The following RNF212 variants were observed in gnomAD, a reference collection of about 807,000 sequenced individuals.
The protein encoded by RNF212 is probable E3 SUMO-protein ligase RNF212.
Under a neutral mutation model 34.7 loss-of-function variants are expected in RNF212, and 33 were observed. The ratio of observed to expected loss-of-function variants is 0.95; its 90% CI spans 0.72 to 1.27. The LOEUF is 1.27. Ranked by LOEUF, RNF212 falls within the 50% of genes most tolerant of loss-of-function variation. RNF212 has a pLI of 0.00. For missense variants in RNF212, 377 were observed against 362.2 expected, an observed-to-expected ratio of 1.04 and a Z score of -0.33; for synonymous variants, 140 against 136.1, an observed-to-expected ratio of 1.03 and a Z score of -0.20.
At chr4:1,098,793 A>C (rs1341757749) in intron 2 of RNF212, among the ~76,000 whole-genome samples, 6 of 152,168 alleles carry the variant, frequency 3.9e-5, no homozygotes, top group African/African-American at 1.4e-4. Context: ...CACAATACAG[A>C]AAAAGTGCCC....
intron 4 of RNF212, among the ~76,000 whole-genome samples, chr4:1,086,185 T>G (rs1203084678): frequency 6.6e-6 from 1 of 152,174 alleles, no homozygotes; most frequent in Non-Finnish European, 1.5e-5. Context: ...CAAATCTCAG[T>G]GCTGCACCCC....
At chr4:1,112,554 A>G (rs1725853822) in intron 1 of RNF212, among the ~76,000 whole-genome samples, 1 of 151,898 alleles carries the variant, frequency 6.6e-6, no homozygotes, top group Admixed American at 6.5e-5. Flanking sequence ...CGCGCTGCCC[A>G]TGGAATAGGG....
At chr4:1,071,262 A>T (rs549630225), downstream of RNF212, among the ~76,000 whole-genome samples, 10 of 151,820 alleles carry the variant, frequency 6.6e-5, no homozygotes, top group East Asian at 5.8e-4. Context: ...AAATTATTTT[A>T]AAAAAACTAA....
At chr4:1,110,054 C>A (rs185161924) in intron 1 of RNF212, among the ~76,000 whole-genome samples, 1 of 152,268 alleles carries the variant, frequency 6.6e-6, no homozygotes, top group East Asian at 1.9e-4. Flanking sequence ...ACCATCACAG[C>A]TAGGAGTCAT....
intron 1 of RNF212, among the ~76,000 whole-genome samples, chr4:1,109,537 C>T (rs1299307547): frequency 2.0e-5 from 3 of 152,132 alleles, no homozygotes; most frequent in Admixed American, 2.0e-4. Flanking sequence ...AAAAACATCC[C>T]TTAAGTGAGA....
At chr4:1,062,762 T>C (rs751937530) in intron 3 of RNF212, among the ~76,000 whole-genome samples, 2 of 151,972 alleles carry the variant, frequency 1.3e-5, no homozygotes, top group Non-Finnish European at 2.9e-5. Flanking sequence ...AAGGAAAAAG[T>C]AAAACAACCT....
At chr4:1,110,929 C>T (rs1182435162) in intron 1 of RNF212, among the ~76,000 whole-genome samples, 1 of 152,230 alleles carries the variant, frequency 6.6e-6, no homozygotes, top group Non-Finnish European at 1.5e-5. Context: ...CTAGGCAAAC[C>T]TGTGAATCTA....
intron 4 of RNF212, among the ~76,000 whole-genome samples, 169 bp downstream of exon 4, chr4:1,090,613 G>A (rs933064466): frequency 6.6e-6 from 1 of 152,138 alleles, no homozygotes; most frequent in African/African-American, 2.4e-5. Flanking sequence ...GGGCAAATAG[G>A]CTGCTCAGAA....
At chr4:1,081,348 T>C in intron 7 of RNF212, 71 bp downstream of exon 7, 1 of 1,247,448 alleles carries the variant, frequency 8.0e-7, no homozygotes, top group Non-Finnish European at 1.1e-6. Context: ...GGGGTGGGGT[T>C]GGGATGGGAA....
rs377524316 is a variant in RNF212, at chr4:1,102,635, G to A, written c.171+5708C>T. Among the ~76,000 whole-genome samples, 36 of 151,712 alleles carry A rather than the reference G, an allele frequency of 2.4e-4. No homozygotes were observed. In the East Asian group the frequency reaches 5.4e-3, roughly 23 times the overall value. On this transcript the variant is annotated intron_variant, in intron 2 of 9. Coordinates refer to ENST00000433731, the MANE Select transcript of RNF212 (RefSeq NM_001131034.4). ...TGGGAGGCTGAGGCAGGCAGATCAC[G>A]AGGTCAGGAGATCGAGACCATCCTG...
intron 4 of RNF212, among the ~76,000 whole-genome samples, chr4:1,086,282 C>A (rs551415737): frequency 1.3e-5 from 2 of 152,034 alleles, no homozygotes; most frequent in Non-Finnish European, 2.9e-5. Context: ...CTTCCATACA[C>A]GGCCACTGCC....
chr4:1,094,109 A>G lies in RNF212; in HGVS notation c.246+2656T>C. The stretch of plus-strand genomic sequence containing the variant: ...GACCACAGCCTGAAGGCACAAGCCC[A>G]TGAAGGAGAGTGCCATGCAGGGGTC... On this transcript the variant is annotated intron_variant, in intron 3 of 9. Coordinates refer to ENST00000433731, the MANE Select transcript of RNF212 (RefSeq NM_001131034.4). 3 of 1,396,472 alleles carry G rather than the reference A, an allele frequency of 2.1e-6. No individual in the cohort carries two copies. In the South Asian group the frequency reaches 4.4e-5, roughly 20 times the overall value. The allele number at this position is 1,396,472 out of a possible 1,614,324, so 86.5% of individuals were successfully genotyped here. A position where few individuals can be genotyped will look rare whatever the true frequency, so the allele number is the denominator to read the frequency against.
chr4:1,085,045 C>T (rs983655033), intron 5 of RNF212, among the ~76,000 whole-genome samples: 3 of 152,226 alleles, frequency 2.0e-5, no homozygotes, highest in Non-Finnish European at 2.9e-5. Context: ...CCTGCACACA[C>T]GCTGGAGGCT....
intron 3 of RNF212, among the ~76,000 whole-genome samples, chr4:1,061,247 A>G (rs1717730959): frequency 6.6e-6 from 1 of 152,138 alleles, no homozygotes; most frequent in Non-Finnish European, 1.5e-5. Context: ...ACCCAGCAAG[A>G]GCACAGCTGC....
intron 2 of RNF212, among the ~76,000 whole-genome samples, chr4:1,104,088 A>G (rs769652101): frequency 4.6e-5 from 7 of 152,256 alleles, no homozygotes; most frequent in Non-Finnish European, 7.3e-5. Context: ...CACTTGAGAA[A>G]AATTGTTTAA....
chr4:1,089,133 G>A (rs1240862318), intron 4 of RNF212, among the ~76,000 whole-genome samples: 2 of 152,194 alleles, frequency 1.3e-5, no homozygotes, highest in Non-Finnish European at 2.9e-5. Context: ...AGCTTGCACT[G>A]TGCACCTAGA....
At chr4:1,082,980 C>T (rs554856375) in intron 5 of RNF212, among the ~76,000 whole-genome samples, 2 of 152,290 alleles carry the variant, frequency 1.3e-5, no homozygotes, top group African/African-American at 2.4e-5. Context: ...GTGGGTGGCA[C>T]GAACGCCACC....
intron 3 of RNF212, among the ~76,000 whole-genome samples, chr4:1,065,094 C>T (rs1270183127): frequency 2.6e-5 from 4 of 152,180 alleles, no homozygotes; most frequent in African/African-American, 4.8e-5. Flanking sequence ...AATACTGCTA[C>T]GATCTTGGGT....
intron 2 of RNF212, chr4:1,101,584 G>A (rs1723994424): frequency 6.3e-6 from 1 of 159,300 alleles, no homozygotes; most frequent in Non-Finnish European, 1.4e-5. Flanking sequence ...AATAGTTATG[G>A]TCAATAGTTA....
Sources: allele counts gnomAD v4.1 joint callset (sites outside exome capture counted in the v4.1 genomes callset), GRCh38; gene constraint gnomAD v4.1.1; transcripts MANE v1.5; gene names NCBI Gene and HGNC (gene_info 2026-07-23, HGNC 2026-07-21).